PIEZO1: variants seen among roughly 807,000 people sequenced by gnomAD.
PIEZO1 encodes the protein piezo-type mechanosensitive ion channel component 1.
PIEZO1 carries 296 observed loss-of-function variants against 297.2 expected under a neutral mutation model. The observed-to-expected ratio is 1.00, with a 90% confidence interval of 0.91 to 1.10. PIEZO1 has a LOEUF of 1.10. Ranked by LOEUF, PIEZO1 falls within the 50% of genes least tolerant of loss-of-function variation. The pLI is 0.00. For synonymous variants in PIEZO1, 2,427 were observed against 1,507.5 expected, an observed-to-expected ratio of 1.61 and a Z score of -14.13; for missense variants, 5,018 against 3,455.5, an observed-to-expected ratio of 1.45 and a Z score of -11.34.
chr16:88,732,834 C>A, intron 19 of PIEZO1, 102 bp from the exon 20 acceptor site: 1 of 1,184,828 alleles, frequency 8.4e-7, no homozygotes. Flanking sequence ...GTCCACTGCT[C>A]CCCAGCCAGG....
chr16:88,735,202 C>T lies in PIEZO1; in HGVS notation c.1602G>A (p.Val534=). 1 of 1,550,454 alleles carries T rather than the reference C, an allele frequency of 6.4e-7. No homozygotes were observed. The highest frequency in any genetic ancestry group is 8.7e-7 in the Non-Finnish European group (1 of 1,146,952). Residue 534 remains valine, a synonymous_variant, in exon 13 of 51, where the codon GTG becomes GTA. Transcript: ENST00000301015. The part of the protein sequence containing the change: ...LTFWLLLRQF[V]KEKLLKWAES... ...CTGCCCACTTCAGCAGCTTCTCTTTCACAAACTGGCGCAGCAGGAGCCAGA... is the reference window on the plus strand; with the variant it reads ...CTGCCCACTTCAGCAGCTTCTCTTTTACAAACTGGCGCAGCAGGAGCCAGA...
intron 44 of PIEZO1, 75 bp downstream of exon 44, chr16:88,719,499 G>C: frequency 7.1e-7 from 1 of 1,403,916 alleles, no homozygotes; most frequent in Non-Finnish European, 9.8e-7. Flanking sequence ...GGGTTCTCGT[G>C]GCAGCAGTGC....
intron 10 of PIEZO1, 121 bp from the exon 11 acceptor site, chr16:88,736,860 C>T (rs573098468): frequency 1.9e-4 from 118 of 610,690 alleles, no homozygotes; most frequent in African/African-American, 1.7e-3. Context: ...CCCCGGTGGG[C>T]TATGGGCAGA....
intron 1 of PIEZO1, among the ~76,000 whole-genome samples, chr16:88,752,773 C>T (rs941777273): frequency 2.0e-5 from 3 of 147,736 alleles, no homozygotes; most frequent in Non-Finnish European, 4.4e-5. Context: ...GGCAGGCCAA[C>T]GTCACCCGGC....
intron 1 of PIEZO1, among the ~76,000 whole-genome samples, chr16:88,751,624 C>T (rs1399305984): frequency 4.6e-5 from 7 of 152,042 alleles, no homozygotes; most frequent in Admixed American, 3.9e-4. Flanking sequence ...GCATAGCCAT[C>T]GGCTCCATGC....
chr16:88,747,231 G>GGAAAA lies in PIEZO1; in HGVS notation c.160+2152_160+2153insTTTTC, dbSNP rs60202339. On this transcript the variant is annotated intron_variant, in intron 2 of 50. Transcript: ENST00000301015. Reference sequence around the variant, plus strand: ...GGGCAACCAAGCAAGACCCCCACTCGAAAAAAAAAAAAAAAGCCAAGCACG... The same window carrying GGAAAA: ...GGGCAACCAAGCAAGACCCCCACTCGGAAAAAAAAAAAAAAAAAAAGCCAAGCACG... Among the ~76,000 whole-genome samples, 1,140 of 121,586 alleles carry GGAAAA rather than the reference G, an allele frequency of 9.4e-3. 22 individuals are homozygous for GGAAAA. The highest frequency in any genetic ancestry group is 0.033 in the African/African-American group (1,076 of 32,888). 79.8% of individuals were successfully genotyped at this position (121,586 alleles called of 152,430 possible). A position where few individuals can be genotyped will look rare whatever the true frequency, so the allele number is the denominator to read the frequency against.
At position 88,733,721 on chromosome 16, in the gene PIEZO1, G is replaced by A. The variant is rs1184911908; in HGVS notation, c.2354C>T (p.Ala785Val). Residue 785 changes from alanine (A) to valine (V), a missense_variant, in exon 18 of 51, where the codon GCT becomes GTT. Physicochemically the swap from Ala to Val is moderately conservative, Grantham distance 64. Transcript: ENST00000301015. ...GGCTGCCAGCTCCAGCAGCCGCTCA[G>A]CCACCAGGCCCCACTTGGCTGCCCC... ...PEGAAKWGLVAERLLELAAGF... is the reference protein window; with the variant it reads ...PEGAAKWGLVVERLLELAAGF... 4 of 1,547,212 alleles carry A rather than the reference G, an allele frequency of 2.6e-6. No individual in the cohort carries two copies. In the East Asian group the frequency reaches 7.3e-5, roughly 28 times the overall value.
At position 88,719,828 on chromosome 16, in the gene PIEZO1, A is replaced by G. The variant is rs972478419; in HGVS notation, c.6297T>C (p.Asn2099=). 6.4e-6 allele frequency: 10 copies of G among 1,550,440 alleles called. No homozygotes were observed. Among genetic ancestry groups the G allele is most frequent in the Non-Finnish European group, 8.7e-6 (10 of 1,146,946 alleles). The change falls in exon 43 of 51, where the codon AAT becomes AAC. Residue 2099 remains asparagine (N), a synonymous_variant. Coordinates refer to ENST00000301015, the MANE Select transcript of PIEZO1 (RefSeq NM_001142864.4). ...ILGNFLTKKY[N]HLNLFLFQGF... is the part of the protein sequence containing the mutation. ...CCTGGAAGAGGAAGAGGTTGAGATG[A>G]TTGTACTTCTTGGTGAGGAAGTTGC...
chr16:88,749,894 G>C (rs1447080444), intron 1 of PIEZO1, among the ~76,000 whole-genome samples: 4 of 151,788 alleles, frequency 2.6e-5, no homozygotes, highest in African/African-American at 9.7e-5. Flanking sequence ...CGGGCATGGT[G>C]GCGGGCACCT....
chr16:88,716,390 G>C lies in PIEZO1; in HGVS notation c.7020C>G (p.Ser2340Arg). The C allele has an allele frequency of 6.5e-7, 1 of 1,547,614 alleles. No homozygotes were observed. Among genetic ancestry groups the C allele is most frequent in the Non-Finnish European group, 8.7e-7 (1 of 1,145,366 alleles). Reference sequence around the variant, plus strand: ...ACTGGTCCGAGGTGCCCTCGAGCAGGCTGGCCAGCTGCCGCCGTGCAGTGC... The same window carrying C: ...ACTGGTCCGAGGTGCCCTCGAGCAGCCTGGCCAGCTGCCGCCGTGCAGTGC... ...PNSTARRQLA[S>R]LLEGTSDQSV... Residue 2340 changes from serine (S) to arginine (R), a missense_variant, in exon 48 of 51, where the codon AGC becomes AGG. Ser to Arg is a moderately radical substitution (Grantham distance 110). Transcript: ENST00000301015.
intron 1 of PIEZO1, among the ~76,000 whole-genome samples, chr16:88,765,068 TG>T (rs1289763708): frequency 2.6e-5 from 4 of 152,130 alleles, no homozygotes; most frequent in African/African-American, 9.7e-5. Flanking sequence ...GAAGATGGGG[TG>T]CTGACTCAGA....
chr16:88,722,945 C>A lies in PIEZO1; in HGVS notation c.4560G>T (p.Ala1520=), dbSNP rs1236861708. Residue 1520 remains alanine, a synonymous_variant, in exon 34 of 51, where the codon GCG becomes GCT. Coordinates refer to ENST00000301015, the MANE Select transcript of PIEZO1 (RefSeq NM_001142864.4). ...TAQFLWMLGQ[A]LVDELTRWLQ... ...GCCAGCGTGTCAGCTCATCCACTAG[C>A]GCCTGCCCCAGCATCCACAGGAACT... 5.8e-6 allele frequency: 9 copies of A among 1,549,252 alleles called. No individual in the cohort carries two copies. The highest frequency in any genetic ancestry group is 7.0e-6 in the Non-Finnish European group (8 of 1,146,768).
intron 23 of PIEZO1, among the ~76,000 whole-genome samples, 173 bp downstream of exon 23, chr16:88,727,384 G>C (rs960576438): frequency 2.6e-5 from 4 of 152,214 alleles, no homozygotes; most frequent in African/African-American, 9.7e-5. Flanking sequence ...GGGCTGCCGT[G>C]CACACAGGCT....
chr16:88,735,442 C>A (rs906701028), intron 12 of PIEZO1, among the ~76,000 whole-genome samples, 196 bp from the exon 13 acceptor site: 1 of 152,292 alleles, frequency 6.6e-6, no homozygotes, highest in East Asian at 1.9e-4. Context: ...CACACACTCT[C>A]ACATCCATGG....
At chr16:88,733,199 C>T (rs1904985143) in intron 19 of PIEZO1, 79 bp downstream of exon 19, 2 of 1,336,078 alleles carry the variant, frequency 1.5e-6, no homozygotes, top group Non-Finnish European at 2.1e-6. Flanking sequence ...TGCACTGAGG[C>T]AGCTGCCCCA....
intron 39 of PIEZO1, 147 bp from the exon 40 acceptor site, chr16:88,720,895 G>C: frequency 2.9e-6 from 3 of 1,023,378 alleles, no homozygotes; most frequent in South Asian, 1.7e-5. Flanking sequence ...CTGGCAAGGA[G>C]ACAGCTGGGG....
At chr16:88,780,478 G>A (rs1907881045) in intron 1 of PIEZO1, among the ~76,000 whole-genome samples, 1 of 152,160 alleles carries the variant, frequency 6.6e-6, no homozygotes, top group Non-Finnish European at 1.5e-5. Context: ...GGGTTGGCTG[G>A]GAACAGCTTG....
At chr16:88,723,067 C>T (rs769013855) in intron 33 of PIEZO1, 28 bp downstream of exon 33, 4 of 1,545,610 alleles carry the variant, frequency 2.6e-6, no homozygotes, top group Non-Finnish European at 3.5e-6. Flanking sequence ...AGAGAGACCT[C>T]CCACTCCCCA....
chr16:88,770,591 C>T (rs1009247708), intron 1 of PIEZO1, among the ~76,000 whole-genome samples: 13 of 152,186 alleles, frequency 8.5e-5, no homozygotes, highest in African/African-American at 3.1e-4. Context: ...CTGCCTGGGC[C>T]GCTCCCTTCC....
Sources: gnomAD v4.1 joint callset for allele counts (sites outside exome capture counted in the v4.1 genomes callset) on GRCh38, gnomAD v4.1.1 for gene constraint, MANE v1.5 for transcripts, NCBI Gene and HGNC (gene_info 2026-07-23, HGNC 2026-07-21) for gene names.